The following HTR6 variants were observed in gnomAD, a reference collection of about 807,000 sequenced individuals.
HTR6 encodes the protein 5-hydroxytryptamine receptor 6, also known as 5-hydroxytryptamine (serotonin) receptor 6, G protein-coupled.
A neutral mutation model predicts 17.4 loss-of-function variants in HTR6; 15 were observed. The ratio of observed to expected loss-of-function variants is 0.86; its 90% CI spans 0.58 to 1.33. The LOEUF is 1.33. HTR6 is among the 40% of genes most tolerant of loss of function. The pLI is 0.00. For synonymous variants in HTR6, 326 were observed against 295.5 expected (o/e 1.10, Z -1.06); for missense variants, 578 against 616.0 (o/e 0.94, Z 0.65).
chr1:19,670,827 G>A (rs568830862), intron 1 of HTR6, among the ~76,000 whole-genome samples: 1 of 152,180 alleles, frequency 6.6e-6, no homozygotes, highest in Admixed American at 6.5e-5. Context: ...TGGGTGCTCA[G>A]TATGTATTGA....
Position 19,666,793 on chromosome 1 carries a change from G to T in HTR6, c.714+326G>T, listed in dbSNP as rs921307361. Among the ~76,000 whole-genome samples, 21 of 151,816 alleles carry T rather than the reference G, an allele frequency of 1.4e-4. No homozygotes were observed. The highest frequency in any genetic ancestry group is 4.8e-4 in the African/African-American group (20 of 41,314). ...GCGGCATCACATGCCAGGAACTTAGGAATACTTTTCTCCCTCACCCTCATG... is the reference window on the plus strand; with the variant it reads ...GCGGCATCACATGCCAGGAACTTAGTAATACTTTTCTCCCTCACCCTCATG... On this transcript the variant is annotated intron_variant, in intron 1 of 2. Coordinates refer to ENST00000289753, the MANE Select transcript of HTR6 (RefSeq NM_000871.3). This position sits in a 1 kb window ranked among gnomAD's most constrained non-coding sequence, Gnocchi z 4.5.
chr1:19,674,330 T>C (rs755151110), intron 1 of HTR6, among the ~76,000 whole-genome samples: 3 of 152,206 alleles, frequency 2.0e-5, no homozygotes, highest in Non-Finnish European at 2.9e-5. Flanking sequence ...TTTCATTTGA[T>C]TGATTCATTC....
In HTR6 at chr1:19,679,098, A is replaced by C. The variant is rs749885776; in HGVS notation, c.1053A>C (p.Pro351=). ...PRERQASLAS[P]SLRTSHSGPR... ...AGCGCCAGGCCAGCCTGGCCTCGCC[A>C]TCACTGCGCACCTCTCACAGCGGCC... The change falls in exon 3 of 3, where the codon CCA becomes CCC. Residue 351 remains proline, a synonymous_variant. Transcript: ENST00000289753. This position sits in a 1 kb window ranked among gnomAD's most constrained non-coding sequence, Gnocchi z 4.9. 1 of 1,613,534 alleles carries C rather than the reference A, an allele frequency of 6.2e-7. No homozygotes were observed. The highest frequency in any genetic ancestry group is 1.7e-5 in the Admixed American group (1 of 59,998).
rs1219698376 is a variant in HTR6, at chr1:19,679,937, T to C, written c.*569T>C. The stretch of plus-strand genomic sequence containing the variant: ...TTGAGATGTGCTGCCTTAGATCATC[T>C]TTAACCCTCAGAATGATTTGCTGGA... On this transcript the variant is annotated 3_prime_UTR_variant, in exon 3 of 3. Coordinates refer to ENST00000289753, the MANE Select transcript of HTR6 (RefSeq NM_000871.3). This position sits in a 1 kb window ranked among gnomAD's most constrained non-coding sequence, Gnocchi z 4.9. 6.6e-6 allele frequency among the ~76,000 whole-genome samples: 1 copy of C among 152,214 alleles called. No individual in the cohort carries two copies. The highest frequency in any genetic ancestry group is 1.5e-5 in the Non-Finnish European group (1 of 68,034).
At chr1:19,670,706 C>T (rs1160793831) in intron 1 of HTR6, among the ~76,000 whole-genome samples, 3 of 152,098 alleles carry the variant, frequency 2.0e-5, no homozygotes, top group Admixed American at 2.0e-4. Context: ...TCAGGCAATC[C>T]ACCCGCCTTG....
At chr1:19,677,202 T>C (rs2095095450) in intron 1 of HTR6, among the ~76,000 whole-genome samples, 1 of 149,910 alleles carries the variant, frequency 6.7e-6, no homozygotes, top group African/African-American at 2.5e-5. Flanking sequence ...AAGCCTTTTA[T>C]TTTCTGGGGA....
chr1:19,664,937 G>A lies in HTR6; in HGVS notation c.-817G>A, dbSNP rs1233284014. Among the ~76,000 whole-genome samples, 1 of 149,720 alleles carries A rather than the reference G, an allele frequency of 6.7e-6. No individual in the cohort carries two copies. The highest frequency in any genetic ancestry group is 6.6e-5 in the Admixed American group (1 of 15,060). Reference sequence around the variant, plus strand: ...GGCGCCTCCCGGGCTCGGGAGACCCGGTCCCGCCGCCCGCCCGGCCCGCGG... The same window carrying A: ...GGCGCCTCCCGGGCTCGGGAGACCCAGTCCCGCCGCCCGCCCGGCCCGCGG... On this transcript the variant is annotated 5_prime_UTR_variant, in exon 1 of 3. Transcript: ENST00000289753. The surrounding 1 kb of genome is among the most constrained non-coding windows in gnomAD (Gnocchi z 4.7).
At chr1:19,669,833 A>T (rs562572873) in intron 1 of HTR6, among the ~76,000 whole-genome samples, 4 of 152,030 alleles carry the variant, frequency 2.6e-5, no homozygotes, top group Non-Finnish European at 4.4e-5. Context: ...ACAGGGTTTC[A>T]CCATGTTGGC....
At chr1:19,667,835 C>A (rs1022515794) in intron 1 of HTR6, among the ~76,000 whole-genome samples, 1 of 152,102 alleles carries the variant, frequency 6.6e-6, no homozygotes, top group African/African-American at 2.4e-5. Flanking sequence ...ACCGACCAGG[C>A]CTGAGACCCA....
chr1:19,675,673 C>T (rs2095093345), intron 1 of HTR6, among the ~76,000 whole-genome samples: 1 of 152,108 alleles, frequency 6.6e-6, no homozygotes, highest in Admixed American at 6.5e-5. Context: ...TCAGGGCTAC[C>T]TCCTCTCCCC....
rs761988087 is a variant in HTR6 at position 19,665,916 on chromosome 1, C to A, written c.163C>A (p.Pro55Thr). ...GCTGATCGCGCTCATCTGCACTCAG[C>A]CCGCGCTGCGCAACACGTCCAACTT... is the stretch of plus-strand genomic sequence containing the variant. Reference protein sequence around the residue: ...SLLIALICTQPALRNTSNFFL... With the variant: ...SLLIALICTQTALRNTSNFFL... Residue 55 changes from proline to threonine, a missense_variant, in exon 1 of 3, where the codon CCC becomes ACC. Transcript: ENST00000289753. This position sits in a 1 kb window ranked among gnomAD's most constrained non-coding sequence, Gnocchi z 4.2. The A allele has an allele frequency of 1.2e-6, 2 of 1,613,090 alleles. No homozygotes were observed. The highest frequency in any genetic ancestry group is 1.7e-6 in the Non-Finnish European group (2 of 1,179,718).
chr1:19,666,176 G>A lies in HTR6; in HGVS notation c.423G>A (p.Leu141=), dbSNP rs767922017. 1.2e-6 allele frequency: 2 copies of A among 1,610,798 alleles called. No individual in the cohort carries two copies. The highest frequency in any genetic ancestry group is 1.7e-6 in the Non-Finnish European group (2 of 1,179,874). The part of the protein sequence containing the change: ...PLRYKLRMTP[L]RALALVLGAW... Reference sequence around the variant, plus strand: ...GCTACAAGCTGCGCATGACGCCCCTGCGTGCCCTGGCCCTAGTCCTGGGCG... The same window carrying A: ...GCTACAAGCTGCGCATGACGCCCCTACGTGCCCTGGCCCTAGTCCTGGGCG... The change falls in exon 1 of 3, where the codon CTG becomes CTA. Residue 141 remains leucine (L), a synonymous_variant. Transcript: ENST00000289753. This position sits in a 1 kb window ranked among gnomAD's most constrained non-coding sequence, Gnocchi z 4.5.
Position 19,665,674 on chromosome 1 carries a change from C to A in HTR6, c.-80C>A. 2 of 970,658 alleles carry A rather than the reference C, an allele frequency of 2.1e-6. No individual in the cohort carries two copies. Among genetic ancestry groups the A allele is most frequent in the Non-Finnish European group, 1.5e-6 (1 of 667,312 alleles). 60.1% of individuals were successfully genotyped at this position (970,658 alleles called of 1,614,324 possible). On this transcript the variant is annotated 5_prime_UTR_variant, in exon 1 of 3. Transcript: ENST00000289753. This position sits in a 1 kb window ranked among gnomAD's most constrained non-coding sequence, Gnocchi z 4.2. Reference sequence around the variant, plus strand: ...GCGGTCTGTTCTCACGGACGGTCCCCGTCCAGCCTGCGCTTCGCCGGGGCC... The same window carrying A: ...GCGGTCTGTTCTCACGGACGGTCCCAGTCCAGCCTGCGCTTCGCCGGGGCC...
intron 1 of HTR6, among the ~76,000 whole-genome samples, chr1:19,676,922 C>A (rs1257119229): frequency 6.6e-6 from 1 of 152,242 alleles, no homozygotes. Context: ...CGCAAACACA[C>A]CCTTTGCGTA....
At position 19,665,562 on chromosome 1, in the gene HTR6, C is replaced by A. The variant is rs200360103; in HGVS notation, c.-192C>A. 2.0e-6 allele frequency: 1 copy of A among 497,258 alleles called. No individual in the cohort carries two copies. The highest frequency in any genetic ancestry group is 3.5e-6 in the Non-Finnish European group (1 of 283,226). 30.8% of individuals were successfully genotyped at this position (497,258 alleles called of 1,614,324 possible). A position where few individuals can be genotyped will look rare whatever the true frequency, so the allele number is the denominator to read the frequency against. The stretch of plus-strand genomic sequence containing the variant: ...CGCCCAAATAGCCACACTGTGTCCT[C>A]CTGTAGTCGCTGCCCCCTGACCTAG... On this transcript the variant is annotated 5_prime_UTR_variant, in exon 1 of 3. Transcript: ENST00000289753. The surrounding 1 kb of genome is among the most constrained non-coding windows in gnomAD (Gnocchi z 4.2).
chr1:19,666,796 T>A lies in HTR6; in HGVS notation c.714+329T>A, dbSNP rs893564689. 3.3e-5 allele frequency among the ~76,000 whole-genome samples: 5 copies of A among 151,934 alleles called. No individual in the cohort carries two copies. The highest frequency in any genetic ancestry group is 1.2e-4 in the African/African-American group (5 of 41,364). ...GCATCACATGCCAGGAACTTAGGAA[T>A]ACTTTTCTCCCTCACCCTCATGCCA... is the stretch of plus-strand genomic sequence containing the variant. On this transcript the variant is annotated intron_variant, in intron 1 of 2. Transcript: ENST00000289753. The surrounding 1 kb of genome is among the most constrained non-coding windows in gnomAD (Gnocchi z 4.5).
intron 1 of HTR6, among the ~76,000 whole-genome samples, chr1:19,678,344 C>T (rs576582739): frequency 2.4e-4 from 37 of 151,752 alleles, no homozygotes; most frequent in Admixed American, 7.2e-4. Flanking sequence ...AGTGGGGGGC[C>T]AAGGTCAGGG....
intron 1 of HTR6, among the ~76,000 whole-genome samples, chr1:19,674,139 A>C (rs2095091483): frequency 6.6e-6 from 1 of 152,072 alleles, no homozygotes; most frequent in Non-Finnish European, 1.5e-5. Context: ...AAGTGCTGGG[A>C]TTACAGGTGT....
In HTR6 at chr1:19,678,731, G is replaced by A. The variant is rs976664255; in HGVS notation, c.873+6G>A. ...TTGTGGCCAACATAGTCCAGGTAAT[G>A]CCACGGCAGGGGGCAGGTGAGTCCG... On this transcript the variant is annotated splice_donor_region_variant and intron_variant, in intron 2 of 2. Transcript: ENST00000289753. 4 of 1,604,890 alleles carry A rather than the reference G, an allele frequency of 2.5e-6. No individual in the cohort carries two copies. The highest frequency in any genetic ancestry group is 3.4e-6 in the Non-Finnish European group (4 of 1,172,810).
Sources: gnomAD v4.1 joint callset for allele counts (sites outside exome capture counted in the v4.1 genomes callset) on GRCh38, gnomAD v4.1.1 for gene constraint, Gnocchi (gnomAD v3.1) non-coding constraint, MANE v1.5 for transcripts, NCBI Gene and HGNC (gene_info 2026-07-23, HGNC 2026-07-21) for gene names.